GALNT14: variants seen among roughly 807,000 people sequenced by gnomAD.
The protein encoded by GALNT14 is UDP-GalNAc:polypeptide N-acetylgalactosaminyltransferase 14.
In GALNT14, 60 loss-of-function variants were observed where a neutral mutation model predicts 77.5. The observed-to-expected ratio is 0.77, with a 90% CI of 0.63 to 0.96. GALNT14 has a LOEUF of 0.96. Ranked by LOEUF, GALNT14 falls within the 40% of genes least tolerant of loss-of-function variation. The probability of loss-of-function intolerance (pLI) is 0.00; values close to 1 mark genes in which losing one functional copy is unlikely to be tolerated. For missense variants in GALNT14, 710 were observed against 731.0 expected (o/e 0.97, Z 0.33); for synonymous variants, 280 against 281.7 (o/e 0.99, Z 0.06).
At chr2:31,117,394 T>A (rs1573372613) in intron 1 of GALNT14, among the ~76,000 whole-genome samples, 1 of 152,322 alleles carries the variant, frequency 6.6e-6, no homozygotes, top group Middle Eastern at 3.4e-3. Context: ...CAACCCTATA[T>A]GCCCTAATTA....
At chr2:30,900,355 T>G in the GALNT14 span, among the ~76,000 whole-genome samples, 4 of 152,234 alleles carry the variant, frequency 2.6e-5, no homozygotes, top group African/African-American at 4.8e-5. Context: ...AAAATATGCA[T>G]GATCCCTAAA....
intron 13 of GALNT14, among the ~76,000 whole-genome samples, chr2:30,922,950 C>T (rs976426615): frequency 4.0e-5 from 6 of 151,654 alleles, no homozygotes; most frequent in Admixed American, 2.6e-4. Context: ...TCCAAGAAAT[C>T]GTTTGTAGAG....
the GALNT14 span, among the ~76,000 whole-genome samples, chr2:30,896,559 T>C: frequency 6.6e-6 from 1 of 152,230 alleles, no homozygotes; most frequent in Admixed American, 6.5e-5. Context: ...GTGCATTGAC[T>C]AAGGTAAATT....
At chr2:31,032,987 C>A (rs995137204) in intron 1 of GALNT14, among the ~76,000 whole-genome samples, 3 of 152,136 alleles carry the variant, frequency 2.0e-5, no homozygotes, top group African/African-American at 7.2e-5. Context: ...AAGTTTAGCA[C>A]CATACTGTCA....
the GALNT14 span, among the ~76,000 whole-genome samples, chr2:30,903,063 G>C: frequency 6.6e-6 from 1 of 152,168 alleles, no homozygotes; most frequent in African/African-American, 2.4e-5. Context: ...TTCAACAAAA[G>C]AGCCACATCG....
chr2:30,920,929 T>C (rs904039898), intron 13 of GALNT14, among the ~76,000 whole-genome samples: 1 of 152,100 alleles, frequency 6.6e-6, no homozygotes, highest in African/African-American at 2.4e-5. Context: ...ATTCACACTG[T>C]GGTGACACCA....
chr2:30,973,735 G>T (rs1227281307), intron 2 of GALNT14, among the ~76,000 whole-genome samples: 1 of 152,134 alleles, frequency 6.6e-6, no homozygotes, highest in Admixed American at 6.5e-5. Flanking sequence ...TGTCAATTTT[G>T]CTGGGATTTC....
chr2:30,919,373 T>G (rs915970439), intron 13 of GALNT14, among the ~76,000 whole-genome samples: 1 of 152,088 alleles, frequency 6.6e-6, no homozygotes, highest in Non-Finnish European at 1.5e-5. Flanking sequence ...TGGATAGGAC[T>G]GGGGGTGGAG....
intron 1 of GALNT14, among the ~76,000 whole-genome samples, chr2:31,065,683 T>C (rs1674902131): frequency 6.6e-6 from 1 of 152,062 alleles, no homozygotes; most frequent in African/African-American, 2.4e-5. Flanking sequence ...ATTGAAAAAG[T>C]TATGTGTGAC....
chr2:30,930,075 A>G (rs1048016508), intron 10 of GALNT14, among the ~76,000 whole-genome samples: 1 of 152,238 alleles, frequency 6.6e-6, no homozygotes, highest in Non-Finnish European at 1.5e-5. Context: ...CACCTTTAGT[A>G]ACAACAAACC....
chr2:30,971,940 T>G (rs1668380315), intron 2 of GALNT14, among the ~76,000 whole-genome samples: 2 of 152,202 alleles, frequency 1.3e-5, no homozygotes, highest in Non-Finnish European at 2.9e-5. Flanking sequence ...TCACCCCCAT[T>G]TCATCAATGA....
At chr2:31,003,351 T>G (rs1489277924) in intron 1 of GALNT14, among the ~76,000 whole-genome samples, 1 of 152,186 alleles carries the variant, frequency 6.6e-6, no homozygotes, top group Non-Finnish European at 1.5e-5. Flanking sequence ...TCAGCAGGGA[T>G]GAGTTTACTT....
chr2:31,106,519 T>G (rs1677568439), intron 1 of GALNT14, among the ~76,000 whole-genome samples: 1 of 152,308 alleles, frequency 6.6e-6, no homozygotes, highest in South Asian at 2.1e-4. Flanking sequence ...CTGAGACCAA[T>G]TTGCCTTTTT....
At chr2:30,942,340 C>T (rs1323366375) in intron 8 of GALNT14, 36 bp from the exon 9 acceptor site, 7 of 1,496,462 alleles carry the variant, frequency 4.7e-6, no homozygotes, top group Non-Finnish European at 6.5e-6. Context: ...GGGATCAGTT[C>T]TAGTGGGGAG....
At chr2:31,030,055 T>C (rs6715908) in intron 1 of GALNT14, among the ~76,000 whole-genome samples, 4,889 of 152,324 alleles carry the variant, frequency 0.032, 268 homozygotes, top group African/African-American at 0.11. Context: ...TTGATTATTA[T>C]TTTCGTGTCT....
chr2:30,888,629 G>T, the GALNT14 span, among the ~76,000 whole-genome samples: 1 of 152,094 alleles, frequency 6.6e-6, no homozygotes, highest in Admixed American at 6.5e-5. Context: ...CTAGATGTAG[G>T]GTTGGGAGGC....
At chr2:30,965,927 C>T (rs1415673134) in intron 3 of GALNT14, among the ~76,000 whole-genome samples, 1 of 152,110 alleles carries the variant, frequency 6.6e-6, no homozygotes, top group Non-Finnish European at 1.5e-5. Context: ...GTGGGGAGGC[C>T]GAGGGCTCTG....
intron 1 of GALNT14, among the ~76,000 whole-genome samples, chr2:31,105,865 C>A (rs1200255126): frequency 1.3e-5 from 2 of 152,188 alleles, no homozygotes; most frequent in African/African-American, 4.8e-5. Context: ...ACTTCTAATT[C>A]CAATCCAGCA....
intron 1 of GALNT14, among the ~76,000 whole-genome samples, chr2:31,048,148 C>T (rs556552773): frequency 6.6e-6 from 1 of 152,362 alleles, no homozygotes; most frequent in East Asian, 1.9e-4. Context: ...AACCATTTGC[C>T]CTGAGCCCAG....
Sources: gnomAD v4.1 joint callset for allele counts (sites outside exome capture counted in the v4.1 genomes callset) on GRCh38, gnomAD v4.1.1 for gene constraint, MANE v1.5 for transcripts, NCBI Gene and HGNC (gene_info 2026-07-23, HGNC 2026-07-21) for gene names.